MCTP1: variants seen among roughly 807,000 people sequenced by gnomAD.
MCTP1 encodes multiple C2 and transmembrane domain-containing protein 1.
MCTP1 carries 69 observed loss-of-function variants against 120.6 expected under a neutral mutation model. The observed-to-expected ratio is 0.57, with a 90% CI of 0.47 to 0.70. MCTP1 has a LOEUF of 0.70. Among genes scored for constraint, MCTP1 ranks in the 30% least tolerant of loss-of-function variants. MCTP1 has a pLI of 0.00. For synonymous variants in MCTP1, 529 were observed against 493.1 expected (o/e 1.07, Z -0.96); for missense variants, 1,203 against 1,248.8 (o/e 0.96, Z 0.55).
intron 1 of MCTP1, among the ~76,000 whole-genome samples, chr5:95,214,452 G>T (rs251092): frequency 0.041 from 4,386 of 107,138 alleles, 84 homozygotes; most frequent in African/African-American, 0.086. Flanking sequence ...TGGAAGTCAG[G>T]GTGGCGATTC....
chr5:95,183,090 G>A lies in MCTP1; in HGVS notation c.720+100766C>T, dbSNP rs77927914. 4.0e-3 allele frequency among the ~76,000 whole-genome samples: 599 copies of A among 151,430 alleles called. 6 individuals are homozygous for A. Among genetic ancestry groups the A allele is most frequent in the African/African-American group, 0.012 (514 of 41,342 alleles). ...TCAAATCAGGACAGCGCCAGTATAAGGACAGATGAATATATCAGTGGAACA... is the reference window on the plus strand; with the variant it reads ...TCAAATCAGGACAGCGCCAGTATAAAGACAGATGAATATATCAGTGGAACA... On this transcript the variant is annotated intron_variant, in intron 1 of 22. Transcript: ENST00000515393.
chr5:95,176,526 A>G lies in MCTP1; in HGVS notation c.720+107330T>C, dbSNP rs1002635327. On this transcript the variant is annotated intron_variant, in intron 1 of 22. Transcript: ENST00000515393. Reference sequence around the variant, plus strand: ...GGCGACAAAGTGAGACTCTGTTTTAAACAACAACAAAAACAGCAGTATTGA... The same window carrying G: ...GGCGACAAAGTGAGACTCTGTTTTAGACAACAACAAAAACAGCAGTATTGA... 8.1e-4 allele frequency among the ~76,000 whole-genome samples: 124 copies of G among 152,154 alleles called. 1 individual carries two copies. Among genetic ancestry groups the G allele is most frequent in the Admixed American group, 8.1e-3 (124 of 15,268 alleles).
chr5:95,019,760 A>C (rs1837837369), intron 1 of MCTP1, among the ~76,000 whole-genome samples: 1 of 152,050 alleles, frequency 6.6e-6, no homozygotes, highest in South Asian at 2.1e-4. Context: ...CCTTCAGCAC[A>C]TATTTCCAGA....
At chr5:94,988,541 G>C (rs1296806867) in intron 2 of MCTP1, among the ~76,000 whole-genome samples, 1 of 148,942 alleles carries the variant, frequency 6.7e-6, no homozygotes, top group Non-Finnish European at 1.5e-5. Context: ...CTATAAAAAT[G>C]ATTTTTGGAA....
chr5:94,937,190 G>A (rs1180769812), intron 5 of MCTP1, among the ~76,000 whole-genome samples: 3 of 152,072 alleles, frequency 2.0e-5, no homozygotes, highest in African/African-American at 4.8e-5. Context: ...GAGAGAAGAC[G>A]CTATTTCCCT....
chr5:94,778,634 GTTAT>G (rs373267645), intron 19 of MCTP1, among the ~76,000 whole-genome samples: 13 of 152,262 alleles, frequency 8.5e-5, no homozygotes, highest in Non-Finnish European at 1.9e-4. Flanking sequence ...GAGCACTGGG[GTTAT>G]TTAAATGTCC....
chr5:95,152,117 A>T (rs1156588704), intron 1 of MCTP1, among the ~76,000 whole-genome samples: 1 of 152,260 alleles, frequency 6.6e-6, no homozygotes, highest in Non-Finnish European at 1.5e-5. Context: ...CAGTCAAAAT[A>T]GTAACTTTAA....
At chr5:94,902,611 A>G (rs1805816227) in intron 10 of MCTP1, among the ~76,000 whole-genome samples, 1 of 152,224 alleles carries the variant, frequency 6.6e-6, no homozygotes, top group South Asian at 2.1e-4. Context: ...TTACATTTGC[A>G]TAATATAACA....
At chr5:95,171,601 T>C (rs1429996866) in intron 1 of MCTP1, among the ~76,000 whole-genome samples, 1 of 152,246 alleles carries the variant, frequency 6.6e-6, no homozygotes, top group Non-Finnish European at 1.5e-5. Context: ...TTGGAGGCTT[T>C]GTTCATTTCT....
chr5:94,756,170 TGAG>T (rs1769811236), intron 19 of MCTP1, among the ~76,000 whole-genome samples: 2 of 152,166 alleles, frequency 1.3e-5, no homozygotes, highest in Admixed American at 1.3e-4. Context: ...AACAACCCTA[TGAG>T]GTTGGAACAA....
intron 1 of MCTP1, among the ~76,000 whole-genome samples, chr5:95,236,712 T>A (rs1755582676): frequency 6.6e-6 from 1 of 152,212 alleles, no homozygotes; most frequent in Non-Finnish European, 1.5e-5. Context: ...GTCTACTATT[T>A]GTCTCCCTCC....
intron 18 of MCTP1, among the ~76,000 whole-genome samples, chr5:94,785,461 G>A (rs903816036): frequency 3.9e-5 from 6 of 152,018 alleles, no homozygotes; most frequent in Non-Finnish European, 8.8e-5. Context: ...ATGCTTTTAT[G>A]AAACTATATT....
At position 94,714,826 on chromosome 5, in the gene MCTP1, C is replaced by T; in HGVS notation, c.2671G>A (p.Val891Ile). 6.2e-7 allele frequency: 1 copy of T among 1,612,906 alleles called. No individual in the cohort carries two copies. The highest frequency in any genetic ancestry group is 8.5e-7 in the Non-Finnish European group (1 of 1,179,024). The part of the protein sequence containing the change: ...IYAIQEVCVS[V>I]QNILDEVASF... Reference sequence around the variant, plus strand: ...GCCACTTCATCTAGGATGTTCTGGACACTGACACATACCTCCTGGATGGCA... The same window carrying T: ...GCCACTTCATCTAGGATGTTCTGGATACTGACACATACCTCCTGGATGGCA... Residue 891 changes from valine (V) to isoleucine (I), a missense_variant, in exon 20 of 23, where the codon GTC becomes ATC. Coordinates refer to ENST00000515393, the MANE Select transcript of MCTP1 (RefSeq NM_024717.7).
At chr5:95,043,265 T>C (rs767352952) in intron 1 of MCTP1, among the ~76,000 whole-genome samples, 2 of 152,182 alleles carry the variant, frequency 1.3e-5, no homozygotes, top group Non-Finnish European at 2.9e-5. Context: ...TAGAATTTAG[T>C]CCAATTTATA....
At chr5:95,213,321 T>G (rs1752629460) in intron 1 of MCTP1, among the ~76,000 whole-genome samples, 2 of 152,128 alleles carry the variant, frequency 1.3e-5, no homozygotes, top group African/African-American at 2.4e-5. Flanking sequence ...GTGAAAGACC[T>G]CTTCAAGGAG....
At chr5:94,788,636 A>G (rs1343801517) in intron 18 of MCTP1, among the ~76,000 whole-genome samples, 1 of 152,196 alleles carries the variant, frequency 6.6e-6, no homozygotes, top group African/African-American at 2.4e-5. Flanking sequence ...TTCTAAGGTC[A>G]TGAGTCAGGC....
intron 1 of MCTP1, among the ~76,000 whole-genome samples, chr5:95,119,177 A>T (rs991154845): frequency 6.6e-6 from 1 of 152,220 alleles, no homozygotes; most frequent in African/African-American, 2.4e-5. Context: ...CTGAAATAAC[A>T]TCAAGCATCT....
chr5:95,050,397 C>T (rs1009724074), intron 1 of MCTP1, among the ~76,000 whole-genome samples: 2 of 152,126 alleles, frequency 1.3e-5, no homozygotes, highest in South Asian at 4.1e-4. Context: ...TTTTATCTGA[C>T]AATCTGAAAA....
At chr5:94,853,533 A>G (rs1003693502) in intron 17 of MCTP1, among the ~76,000 whole-genome samples, 1 of 151,944 alleles carries the variant, frequency 6.6e-6, no homozygotes, top group South Asian at 2.1e-4. Flanking sequence ...TGTATTGCAT[A>G]GAGAAAGGTG....
Sources: allele counts gnomAD v4.1 joint callset (sites outside exome capture counted in the v4.1 genomes callset), GRCh38; gene constraint gnomAD v4.1.1; transcripts MANE v1.5; gene names NCBI Gene and HGNC (gene_info 2026-07-23, HGNC 2026-07-21).